GRIK1: variants seen among roughly 807,000 people sequenced by gnomAD.
GRIK1 encodes glutamate ionotropic receptor kainate type subunit 1.
Under a neutral mutation model 105.7 loss-of-function variants are expected in GRIK1, and 69 were observed. The ratio of observed to expected loss-of-function variants is 0.65; its 90% CI spans 0.54 to 0.80. The LOEUF is 0.80. Ranked by LOEUF, GRIK1 falls within the 30% of genes least tolerant of loss-of-function variation. The probability of loss-of-function intolerance (pLI) is 0.00; values close to 1 mark genes in which losing one functional copy is unlikely to be tolerated. For missense variants in GRIK1, 1,109 were observed against 1,167.3 expected, an observed-to-expected ratio of 0.95 and a Z score of 0.73; for synonymous variants, 438 against 431.3, an observed-to-expected ratio of 1.02 and a Z score of -0.19.
chr21:29,854,468 G>A (rs975049781), intron 1 of GRIK1, among the ~76,000 whole-genome samples: 9 of 151,934 alleles, frequency 5.9e-5, no homozygotes, highest in Non-Finnish European at 1.3e-4. Flanking sequence ...CCAGGTAGAG[G>A]GAAGAGAGGC....
intron 2 of GRIK1, among the ~76,000 whole-genome samples, chr21:29,693,395 A>C (rs1601466602): frequency 6.6e-6 from 1 of 152,320 alleles, no homozygotes; most frequent in African/African-American, 2.4e-5. Flanking sequence ...CATTGCTCTC[A>C]CAGGTTTAAT....
At chr21:29,634,054 CT>C (rs2062343042) in intron 7 of GRIK1, among the ~76,000 whole-genome samples, 1 of 152,060 alleles carries the variant, frequency 6.6e-6, no homozygotes, top group South Asian at 2.1e-4. Flanking sequence ...TCACCAGGGA[CT>C]TTTTTATTTT....
intron 16 of GRIK1, among the ~76,000 whole-genome samples, chr21:29,546,845 C>T (rs1337798504): frequency 2.0e-5 from 3 of 152,192 alleles, no homozygotes; most frequent in Non-Finnish European, 4.4e-5. Flanking sequence ...AAAAGTTTAA[C>T]TCATTTTTAG....
chr21:29,751,733 T>C (rs1350932243), intron 1 of GRIK1, among the ~76,000 whole-genome samples: 3 of 152,228 alleles, frequency 2.0e-5, no homozygotes, highest in Admixed American at 6.5e-5. Context: ...AATCTGCATA[T>C]GTCCTGGTGG....
intron 14 of GRIK1, among the ~76,000 whole-genome samples, chr21:29,569,579 T>G (rs1371429146): frequency 1.3e-5 from 2 of 152,230 alleles, no homozygotes; most frequent in Non-Finnish European, 2.9e-5. Flanking sequence ...TAGCTGGTAT[T>G]CCCATTCTCT....
intron 9 of GRIK1, among the ~76,000 whole-genome samples, chr21:29,594,269 A>G (rs896291690): frequency 1.3e-5 from 2 of 152,156 alleles, no homozygotes; most frequent in African/African-American, 4.8e-5. Context: ...TTTATCTGTT[A>G]CTTGAAGTAA....
chr21:29,875,369 A>G (rs2069156665), intron 1 of GRIK1, among the ~76,000 whole-genome samples: 1 of 152,190 alleles, frequency 6.6e-6, no homozygotes, highest in African/African-American at 2.4e-5. Context: ...GATATAAGGG[A>G]GAGCTGGATT....
intron 1 of GRIK1, among the ~76,000 whole-genome samples, chr21:29,714,591 G>T (rs1424949709): frequency 6.6e-6 from 1 of 152,014 alleles, no homozygotes; most frequent in African/African-American, 2.4e-5. Flanking sequence ...CTACCCAGTA[G>T]TCTGCCTACC....
At chr21:29,823,746 C>T (rs2067369268) in intron 1 of GRIK1, among the ~76,000 whole-genome samples, 3 of 151,906 alleles carry the variant, frequency 2.0e-5, no homozygotes, top group Non-Finnish European at 4.4e-5. Context: ...TTGACCTATA[C>T]TGTTTTGTTT....
chr21:29,689,593 T>C, intron 3 of GRIK1, 135 bp downstream of exon 3: 2 of 740,960 alleles, frequency 2.7e-6, no homozygotes, highest in East Asian at 2.5e-5. Context: ...ATTAAATTAC[T>C]TCAGAATATT....
chr21:29,769,654 G>A (rs2065764600), intron 1 of GRIK1, among the ~76,000 whole-genome samples: 1 of 152,120 alleles, frequency 6.6e-6, no homozygotes, highest in Admixed American at 6.5e-5. Flanking sequence ...ATCTCCTGTT[G>A]TGAGCGGTTC....
In GRIK1 at chr21:29,585,331, G is replaced by A. The variant is rs763447638; in HGVS notation, c.1793+2035C>T. On this transcript the variant is annotated intron_variant, in intron 12 of 17. Coordinates refer to ENST00000327783, the MANE Select transcript of GRIK1 (RefSeq NM_001330994.2). ...AAAGAGGGGAAAACTATTGAATGGC[G>A]TGCCATTCTGACATACTCTGATGAC... Among the ~76,000 whole-genome samples, 8 of 152,040 alleles carry A rather than the reference G, an allele frequency of 5.3e-5. No homozygotes were observed. In the East Asian group the frequency reaches 7.7e-4, roughly 15 times the overall value.
At chr21:29,744,717 T>C (rs972711678) in intron 1 of GRIK1, among the ~76,000 whole-genome samples, 4 of 152,228 alleles carry the variant, frequency 2.6e-5, no homozygotes, top group African/African-American at 9.6e-5. Context: ...TCTTTCCATG[T>C]ACTCCTATAG....
chr21:29,794,709 T>G (rs1430209112), intron 1 of GRIK1, among the ~76,000 whole-genome samples: 1 of 152,154 alleles, frequency 6.6e-6, no homozygotes, highest in Non-Finnish European at 1.5e-5. Context: ...TTCTTGGGCT[T>G]TTGTGTTATT....
intron 1 of GRIK1, among the ~76,000 whole-genome samples, chr21:29,909,563 T>C (rs1025976400): frequency 3.9e-5 from 6 of 152,148 alleles, no homozygotes; most frequent in African/African-American, 7.2e-5. Context: ...TATGTGTTAC[T>C]TAAACTCAGC....
At chr21:29,710,389 A>G (rs1454015064) in intron 1 of GRIK1, among the ~76,000 whole-genome samples, 1 of 145,652 alleles carries the variant, frequency 6.9e-6, no homozygotes, top group Non-Finnish European at 1.5e-5. Flanking sequence ...GCTTAATAAA[A>G]TGTAAAGGAT....
At chr21:29,895,304 C>T (rs916032438) in intron 1 of GRIK1, among the ~76,000 whole-genome samples, 1 of 152,072 alleles carries the variant, frequency 6.6e-6, no homozygotes, top group South Asian at 2.1e-4. Flanking sequence ...AACGAACCTG[C>T]GGATCAAATG....
intron 1 of GRIK1, among the ~76,000 whole-genome samples, chr21:29,811,977 A>G (rs2067022092): frequency 6.6e-6 from 1 of 151,970 alleles, no homozygotes; most frequent in African/African-American, 2.4e-5. Context: ...TCCCTGGAGA[A>G]CTCTCCAAAA....
In GRIK1 at chr21:29,588,623, G is replaced by A. The variant is rs377440509; in HGVS notation, c.1569+216C>T. Among the ~76,000 whole-genome samples the A allele has an allele frequency of 1.2e-4, 18 of 152,228 alleles. No individual in the cohort carries two copies. The East Asian group carries it at 2.5e-3, about 21-fold the overall frequency. On this transcript the variant is annotated intron_variant, in intron 11 of 17. Coordinates refer to ENST00000327783, the MANE Select transcript of GRIK1 (RefSeq NM_001330994.2). ...GTCTCAGGAAGTTCTTTATAGCAGT[G>A]TAAAAACAAACTAATGCACCATATA...
Sources: allele counts gnomAD v4.1 joint callset (sites outside exome capture counted in the v4.1 genomes callset), GRCh38; gene constraint gnomAD v4.1.1; transcripts MANE v1.5; gene names NCBI Gene and HGNC (gene_info 2026-07-23, HGNC 2026-07-21).